HPS5: variants seen among roughly 807,000 people sequenced by gnomAD.
HPS5 encodes BLOC-2 complex member HPS5.
In HPS5, 83 loss-of-function variants were observed where a neutral mutation model predicts 128.0. The observed-to-expected ratio is 0.65, with a 90% confidence interval of 0.54 to 0.78. The LOEUF is 0.78. Among genes scored for constraint, HPS5 ranks in the 30% least tolerant of loss-of-function variants. HPS5 has a pLI of 0.00. For missense variants in HPS5, 1,281 were observed against 1,326.2 expected, an observed-to-expected ratio of 0.97 and a Z score of 0.53; for synonymous variants, 475 against 470.2, an observed-to-expected ratio of 1.01 and a Z score of -0.13.
At chr11:18,302,027 AT>A (rs2134387347) in intron 8 of HPS5, among the ~76,000 whole-genome samples, 1 of 152,088 alleles carries the variant, frequency 6.6e-6, no homozygotes, top group South Asian at 2.1e-4. Context: ...AAAGTCACAG[AT>A]TCCCAAACTG....
chr11:18,306,333 T>A lies in HPS5; in HGVS notation c.626A>T (p.Lys209Ile). Residue 209 changes from lysine to isoleucine, a missense_variant, in exon 7 of 23, where the codon AAA (lysine) becomes ATA (isoleucine). By Grantham distance (102) the Lys-to-Ile change is moderately radical. Transcript: ENST00000349215. ...LCDTEREKFW[K>I]IGNKERDGEY... ...TCCATCTCTTTCCTTGTTTCCAATT[T>A]TCCAAAACTTTTCTCTAACATCCAG... 1 of 1,613,726 alleles carries A rather than the reference T, an allele frequency of 6.2e-7. No individual in the cohort carries two copies. The highest frequency in any genetic ancestry group is 8.5e-7 in the Non-Finnish European group (1 of 1,179,696).
intron 8 of HPS5, among the ~76,000 whole-genome samples, chr11:18,301,776 A>C (rs557947752): frequency 5.3e-5 from 8 of 152,292 alleles, no homozygotes; most frequent in African/African-American, 1.9e-4. Context: ...CAAGGTAGAT[A>C]TACTATTCTT....
rs1010724736 is a variant in HPS5, at chr11:18,315,468, C to T, written c.108+2283G>A. 9.9e-5 allele frequency among the ~76,000 whole-genome samples: 15 copies of T among 152,068 alleles called. 1 individual carries two copies. The highest frequency in any genetic ancestry group is 9.2e-4 in the Admixed American group (14 of 15,264). On this transcript the variant is annotated intron_variant, in intron 2 of 22. Transcript: ENST00000349215. Reference sequence around the variant, plus strand: ...TCTCTACGAAAAACACAAAAATTAGCCGGGCGTGGTGGCAGGTGCCTGTAA... The same window carrying T: ...TCTCTACGAAAAACACAAAAATTAGTCGGGCGTGGTGGCAGGTGCCTGTAA...
chr11:18,283,320 T>C (rs1467420496), intron 21 of HPS5, among the ~76,000 whole-genome samples: 1 of 134,444 alleles, frequency 7.4e-6, no homozygotes, highest in Non-Finnish European at 1.6e-5. Context: ...CTTTAATTAA[T>C]GGGAAATTAA....
At chr11:18,281,783 G>A in intron 22 of HPS5, 167 bp downstream of exon 22, 3 of 785,374 alleles carry the variant, frequency 3.8e-6, no homozygotes, top group South Asian at 1.5e-5. Flanking sequence ...GGTCATGGCT[G>A]TGAATGAAAT....
At chr11:18,309,774 T>C (rs981089420) in intron 5 of HPS5, among the ~76,000 whole-genome samples, 1 of 152,014 alleles carries the variant, frequency 6.6e-6, no homozygotes, top group East Asian at 1.9e-4. Context: ...GGCAAGGTGA[T>C]TGGATCACTT....
At chr11:18,298,154 G>A (rs965326126) in intron 10 of HPS5, among the ~76,000 whole-genome samples, 4 of 151,598 alleles carry the variant, frequency 2.6e-5, no homozygotes, top group Non-Finnish European at 5.9e-5. Flanking sequence ...GCTTTAAAAA[G>A]GCTTAGCAAG....
intron 16 of HPS5, among the ~76,000 whole-genome samples, chr11:18,288,805 A>G (rs941028701): frequency 1.3e-5 from 2 of 150,894 alleles, no homozygotes; most frequent in Non-Finnish European, 2.9e-5. Flanking sequence ...GCCTGTGTGC[A>G]CACATGCGCA....
chr11:18,283,114 G>A (rs1334165094), intron 21 of HPS5, among the ~76,000 whole-genome samples: 1 of 152,098 alleles, frequency 6.6e-6, no homozygotes, highest in Non-Finnish European at 1.5e-5. Context: ...CAATTCTCCT[G>A]CCTCAGCCTC....
chr11:18,294,860 T>C (rs1860863259), intron 14 of HPS5, among the ~76,000 whole-genome samples, 160 bp downstream of exon 14: 1 of 152,030 alleles, frequency 6.6e-6, no homozygotes. Context: ...AAAACTCATG[T>C]TTTCAGAAAC....
intron 1 of HPS5, 72 bp downstream of exon 1, chr11:18,321,874 C>G: frequency 6.6e-6 from 1 of 152,370 alleles, no homozygotes; most frequent in East Asian, 1.9e-4. Context: ...CTGAACACAC[C>G]GCTAGAGACA....
At chr11:18,302,828 G>C (rs1861870182) in intron 8 of HPS5, among the ~76,000 whole-genome samples, 1 of 72,130 alleles carries the variant, frequency 1.4e-5, no homozygotes, top group South Asian at 8.1e-4. Flanking sequence ...AAAGCGGGGG[G>C]GGGGGGGGTG....
intron 2 of HPS5, among the ~76,000 whole-genome samples, chr11:18,312,300 A>C (rs1863108724): frequency 1.3e-5 from 2 of 152,356 alleles, no homozygotes; most frequent in South Asian, 4.1e-4. Flanking sequence ...CTGGCTGTTA[A>C]GACTTCATAT....
In HPS5 at chr11:18,287,619, T is replaced by C; in HGVS notation, c.2633A>G (p.Asp878Gly). The change falls in exon 18 of 23, where the codon GAT becomes GGT. Residue 878 changes from aspartate (D) to glycine (G), a missense_variant. Coordinates refer to ENST00000349215, the MANE Select transcript of HPS5 (RefSeq NM_181507.2). Reference sequence around the variant, plus strand: ...ATGATGATGACAAAGTTGTATGATATCCGATGGCAAAATGGATGGAAAGAA... The same window carrying C: ...ATGATGATGACAAAGTTGTATGATACCCGATGGCAAAATGGATGGAAAGAA... ...IKFFPSILPSDIIQLCHHHPA... is the reference protein window; with the variant it reads ...IKFFPSILPSGIIQLCHHHPA... 6.2e-7 allele frequency: 1 copy of C among 1,614,086 alleles called. No individual in the cohort carries two copies. The highest frequency in any genetic ancestry group is 1.1e-5 in the South Asian group (1 of 91,080).
At chr11:18,294,945 G>C in intron 14 of HPS5, 75 bp downstream of exon 14, 1 of 1,529,724 alleles carries the variant, frequency 6.5e-7, no homozygotes, top group Non-Finnish European at 9.0e-7. Flanking sequence ...GGCTGCACAA[G>C]GTTGGTCTAT....
chr11:18,305,923 G>A (rs553443303), intron 7 of HPS5, among the ~76,000 whole-genome samples: 28 of 147,110 alleles, frequency 1.9e-4, no homozygotes, highest in East Asian at 6.0e-4. Flanking sequence ...TGGTAGAGAC[G>A]GGGTTTCACC....
At chr11:18,305,080 A>G (rs932544474) in intron 8 of HPS5, among the ~76,000 whole-genome samples, 1 of 152,232 alleles carries the variant, frequency 6.6e-6, no homozygotes, top group Non-Finnish European at 1.5e-5. Context: ...CTAAAAACAC[A>G]TACATCTGTG....
rs748610928 is a variant in HPS5, at chr11:18,295,032, TC to T, written c.1771del (p.Glu591ArgfsTer10). The T allele has an allele frequency of 6.2e-7, 1 of 1,614,026 alleles. No homozygotes were observed. The highest frequency in any genetic ancestry group is 1.3e-5 in the African/African-American group (1 of 74,904). ...EDVSSDTCPK[E>X]EDTEEEKEVT... The stretch of plus-strand genomic sequence containing the variant: ...TGTAAGGGCTTACTCAGTGTCTTCC[TC>T]CTTTGGGCAGGTATCTGAACTCACA... On this transcript the variant is annotated frameshift_variant, in exon 14 of 23. Transcript: ENST00000349215. LOFTEE classifies it high-confidence loss of function.
chr11:18,300,717 A>AGT, intron 9 of HPS5, 111 bp downstream of exon 9: 2 of 528,372 alleles, frequency 3.8e-6, no homozygotes, highest in Non-Finnish European at 6.8e-6. Flanking sequence ...AAAAAAAAAA[A>AGT]AAAGTCATCC....
Sources: allele counts gnomAD v4.1 joint callset (sites outside exome capture counted in the v4.1 genomes callset), GRCh38; gene constraint gnomAD v4.1.1; transcripts MANE v1.5; gene names NCBI Gene and HGNC (gene_info 2026-07-23, HGNC 2026-07-21).